Variants in LRP1B observed in about 807,000 individuals in gnomAD.
LRP1B encodes LDL receptor related protein 1B.
A neutral mutation model predicts 556.6 loss-of-function variants in LRP1B; 217 were observed. The ratio of observed to expected loss-of-function variants is 0.39; its 90% CI spans 0.35 to 0.44. The LOEUF (loss-of-function observed/expected upper bound fraction) is 0.44, where lower values mean the gene tolerates loss of function less well. LRP1B is among the 20% of genes least tolerant of loss of function. The pLI is 1.00. For synonymous variants in LRP1B, 2,047 were observed against 1,865.8 expected (o/e 1.10, Z -2.50); for missense variants, 5,053 against 5,620.8 (o/e 0.90, Z 3.23).
At chr2:140,334,673 C>A in intron 78 of LRP1B, 114 bp from the exon 79 acceptor site, 1 of 547,474 alleles carries the variant, frequency 1.8e-6, no homozygotes, top group Non-Finnish European at 3.2e-6. Context: ...CCCAGAGTCT[C>A]TTAAAAAGAG....
intron 3 of LRP1B, among the ~76,000 whole-genome samples, chr2:141,382,801 A>T (rs1689688115): frequency 6.6e-6 from 1 of 152,244 alleles, no homozygotes; most frequent in African/African-American, 2.4e-5. Context: ...AAGCTCTTTG[A>T]CATTGGTCTC....
chr2:140,776,869 T>TA (rs34595856), intron 32 of LRP1B, among the ~76,000 whole-genome samples: 53,676 of 151,766 alleles, frequency 0.35, 9,590 homozygotes, highest in African/African-American at 0.42. Flanking sequence ...GTGCCACAGA[T>TA]AAAAAAATAG....
intron 1 of LRP1B, among the ~76,000 whole-genome samples, chr2:141,891,114 A>T (rs1379121990): frequency 1.3e-5 from 2 of 152,162 alleles, no homozygotes; most frequent in African/African-American, 4.8e-5. Context: ...AAATATTCAG[A>T]GAAACTCTCC....
chr2:141,031,574 T>C (rs1698372855), intron 11 of LRP1B, among the ~76,000 whole-genome samples: 3 of 151,952 alleles, frequency 2.0e-5, no homozygotes, highest in Admixed American at 1.3e-4. Context: ...TAAATATGTA[T>C]AGATTACAAA....
intron 6 of LRP1B, among the ~76,000 whole-genome samples, chr2:141,205,317 T>C (rs1186405825): frequency 6.6e-6 from 1 of 152,168 alleles, no homozygotes; most frequent in Admixed American, 6.5e-5. Flanking sequence ...ATTGAGATGA[T>C]TGAACTTGAG....
chr2:141,468,980 GGTT>G (rs1682351473), intron 3 of LRP1B, among the ~76,000 whole-genome samples: 2 of 152,036 alleles, frequency 1.3e-5, no homozygotes, highest in South Asian at 4.1e-4. Flanking sequence ...AACCACAGTG[GGTT>G]GTTGGACCGG....
intron 2 of LRP1B, among the ~76,000 whole-genome samples, chr2:141,716,894 C>CT (rs1001880713): frequency 1.3e-5 from 2 of 152,148 alleles, no homozygotes; most frequent in South Asian, 2.1e-4. Flanking sequence ...AATTTTGAAC[C>CT]TTTTTTTCCA....
intron 1 of LRP1B, among the ~76,000 whole-genome samples, chr2:141,953,569 C>T (rs1167119929): frequency 6.6e-6 from 1 of 151,920 alleles, no homozygotes; most frequent in Non-Finnish European, 1.5e-5. Flanking sequence ...ACTTTGTGAG[C>T]ACTCAGGAAA....
rs1573988109 is a variant in LRP1B at position 141,019,849 on chromosome 2, A to G, written c.1970+73T>C. 4 of 1,120,656 alleles carry G rather than the reference A, an allele frequency of 3.6e-6. No individual in the cohort carries two copies. The East Asian group carries it at 8.0e-5, about 22-fold the overall frequency. The allele number at this position is 1,120,656 out of a possible 1,614,324, so 69.4% of individuals were successfully genotyped here. A position where few individuals can be genotyped will look rare whatever the true frequency, so the allele number is the denominator to read the frequency against. The stretch of plus-strand genomic sequence containing the variant: ...TATACATATGGATTTAAATAAAACT[A>G]TTATTAACTATGTAAGAAACAAATT... On this transcript the variant is annotated intron_variant, in intron 12 of 90. Transcript: ENST00000389484.
intron 43 of LRP1B, among the ~76,000 whole-genome samples, chr2:140,597,394 G>A (rs1381898711): frequency 2.6e-5 from 4 of 151,944 alleles, no homozygotes; most frequent in African/African-American, 9.7e-5. Flanking sequence ...AGGAGAATGA[G>A]TTATAAACTC....
At chr2:141,547,567 C>G (rs1299798800) in intron 2 of LRP1B, among the ~76,000 whole-genome samples, 1 of 152,116 alleles carries the variant, frequency 6.6e-6, no homozygotes, top group African/African-American at 2.4e-5. Context: ...TTAGCATTCC[C>G]ACTTTCACCA....
rs561984608 is a variant in LRP1B at position 141,018,202 on chromosome 2, A to G, written c.1970+1720T>C. On this transcript the variant is annotated intron_variant, in intron 12 of 90. Transcript: ENST00000389484. ...CTGCTAATATAGCAAGAAAAATTCT[A>G]CCCTTTATTTCAAGGCCTGTTTGAA... Among the ~76,000 whole-genome samples, 12 of 152,136 alleles carry G rather than the reference A, an allele frequency of 7.9e-5. No homozygotes were observed. The South Asian group carries it at 2.5e-3, about 32-fold the overall frequency.
chr2:142,097,503 TACTTG>T (rs1394604626), intron 1 of LRP1B, among the ~76,000 whole-genome samples: 3 of 151,738 alleles, frequency 2.0e-5, no homozygotes, highest in Middle Eastern at 3.2e-3. Context: ...TAAGGTAGAT[TACTTG>T]ACTTTAAAAT....
At chr2:140,455,824 T>A (rs1181522410) in intron 62 of LRP1B, among the ~76,000 whole-genome samples, 1 of 152,184 alleles carries the variant, frequency 6.6e-6, no homozygotes, top group East Asian at 1.9e-4. Flanking sequence ...GACAGTTTTA[T>A]CTTAAATCCA....
At chr2:141,160,498 C>A (rs1385440513) in intron 7 of LRP1B, among the ~76,000 whole-genome samples, 2 of 151,984 alleles carry the variant, frequency 1.3e-5, no homozygotes, top group South Asian at 2.1e-4. Flanking sequence ...TAAAAATGAT[C>A]GAAATTTTCT....
At chr2:140,832,938 T>C (rs1040144399) in intron 31 of LRP1B, among the ~76,000 whole-genome samples, 18 of 152,208 alleles carry the variant, frequency 1.2e-4, no homozygotes, top group African/African-American at 4.1e-4. Flanking sequence ...ATATCTCAAT[T>C]TCCTTGATTT....
chr2:141,335,830 A>G (rs1317733262), intron 3 of LRP1B, among the ~76,000 whole-genome samples: 1 of 152,150 alleles, frequency 6.6e-6, no homozygotes, highest in Admixed American at 6.6e-5. Context: ...TTGTGTGTAT[A>G]CACCTGTGTA....
intron 1 of LRP1B, among the ~76,000 whole-genome samples, chr2:141,815,601 C>A (rs1696515895): frequency 6.6e-6 from 1 of 152,120 alleles, no homozygotes; most frequent in African/African-American, 2.4e-5. Context: ...ATGCACCAAT[C>A]AGCAGGATCC....
intron 41 of LRP1B, among the ~76,000 whole-genome samples, chr2:140,690,798 A>G (rs1686208892): frequency 6.6e-6 from 1 of 152,072 alleles, no homozygotes; most frequent in Non-Finnish European, 1.5e-5. Context: ...TTCATCTTTT[A>G]TTTTTACCCT....
Sources: allele counts gnomAD v4.1 joint callset (sites outside exome capture counted in the v4.1 genomes callset), GRCh38; gene constraint gnomAD v4.1.1; transcripts MANE v1.5; gene names NCBI Gene and HGNC (gene_info 2026-07-23, HGNC 2026-07-21).